The following GPC6 variants were observed in gnomAD, a reference collection of about 807,000 sequenced individuals.
The protein encoded by GPC6 is glypican-6.
A neutral mutation model predicts 55.2 loss-of-function variants in GPC6; 14 were observed. The observed-to-expected ratio is 0.25, with a 90% CI of 0.17 to 0.40. The LOEUF (loss-of-function observed/expected upper bound fraction) is 0.40, where lower values mean the gene tolerates loss of function less well. Among genes scored for constraint, GPC6 ranks in the 10% least tolerant of loss-of-function variants. The probability of loss-of-function intolerance (pLI) is 1.00; values close to 1 mark genes in which losing one functional copy is unlikely to be tolerated. For synonymous variants in GPC6, 278 were observed against 259.6 expected, an observed-to-expected ratio of 1.07 and a Z score of -0.68; for missense variants, 641 against 708.5, an observed-to-expected ratio of 0.90 and a Z score of 1.08.
upstream of GPC6, among the ~76,000 whole-genome samples, chr13:93,223,019 C>CATTTTTTTTT (rs1875661965): frequency 2.0e-5 from 2 of 100,814 alleles, no homozygotes; most frequent in Non-Finnish European, 3.8e-5. Flanking sequence ...AGGGAAAACA[C>CATTTTTTTTT]TTTTTTTTTT....
At chr13:93,383,187 A>G (rs935768170) in intron 1 of GPC6, among the ~76,000 whole-genome samples, 13 of 152,150 alleles carry the variant, frequency 8.5e-5, no homozygotes, top group African/African-American at 2.9e-4. Flanking sequence ...TAACATCATG[A>G]CGATTAACTA....
chr13:93,347,143 G>T (rs1340845384), intron 1 of GPC6, among the ~76,000 whole-genome samples: 1 of 152,126 alleles, frequency 6.6e-6, no homozygotes. Flanking sequence ...AACCAAGTAA[G>T]ACTCCACACT....
At chr13:93,455,811 A>G (rs879775838) in intron 1 of GPC6, among the ~76,000 whole-genome samples, 2 of 152,122 alleles carry the variant, frequency 1.3e-5, no homozygotes, top group Non-Finnish European at 2.9e-5. Context: ...CGAGACCCCT[A>G]GTACTCTGTG....
At chr13:94,101,239 A>G (rs1376844936) in intron 4 of GPC6, among the ~76,000 whole-genome samples, 1 of 152,218 alleles carries the variant, frequency 6.6e-6, no homozygotes, top group Non-Finnish European at 1.5e-5. Context: ...GGGAGAACCT[A>G]ATAAGCTCAG....
At chr13:93,299,152 T>G (rs1878593363) in intron 1 of GPC6, among the ~76,000 whole-genome samples, 1 of 152,154 alleles carries the variant, frequency 6.6e-6, no homozygotes, top group Non-Finnish European at 1.5e-5. Flanking sequence ...GCACTTCCCT[T>G]TTATCTCATA....
intron 2 of GPC6, among the ~76,000 whole-genome samples, chr13:93,626,917 A>C: frequency 6.6e-6 from 1 of 152,088 alleles, no homozygotes; most frequent in Non-Finnish European, 1.5e-5. Context: ...CAGGAAACTT[A>C]CAATCATGGT....
At chr13:93,742,644 C>A (rs1884248907) in intron 2 of GPC6, among the ~76,000 whole-genome samples, 1 of 152,112 alleles carries the variant, frequency 6.6e-6, no homozygotes, top group East Asian at 1.9e-4. Flanking sequence ...TCATGTCATG[C>A]CTCTGGGTGC....
intron 3 of GPC6, among the ~76,000 whole-genome samples, chr13:94,009,600 C>A (rs1437464127): frequency 6.6e-6 from 1 of 152,060 alleles, no homozygotes; most frequent in Non-Finnish European, 1.5e-5. Flanking sequence ...AAATAATTCA[C>A]CTAAGATGTG....
chr13:94,243,880 A>T (rs1329465622), intron 4 of GPC6, among the ~76,000 whole-genome samples: 3 of 152,134 alleles, frequency 2.0e-5, no homozygotes, highest in Non-Finnish European at 2.9e-5. Flanking sequence ...ATGCTGTGCC[A>T]TGTAGGCTGG....
chr13:94,163,480 A>G (rs1467038673), intron 4 of GPC6, among the ~76,000 whole-genome samples: 6 of 152,324 alleles, frequency 3.9e-5, no homozygotes, highest in African/African-American at 9.6e-5. Context: ...CCATCATCAC[A>G]TCTTTAAAAC....
chr13:94,149,831 C>T (rs595002), intron 4 of GPC6, among the ~76,000 whole-genome samples: 59,900 of 151,714 alleles, frequency 0.39, 14,395 homozygotes, highest in Non-Finnish European at 0.53. Flanking sequence ...GACCATGGCA[C>T]TTCACACACT....
chr13:93,691,715 T>C (rs1183085165), intron 2 of GPC6, among the ~76,000 whole-genome samples: 1 of 152,114 alleles, frequency 6.6e-6, no homozygotes, highest in Non-Finnish European at 1.5e-5. Flanking sequence ...GCTTAATTGT[T>C]GCTGTCCTGT....
chr13:94,387,764 C>CTCTCTCTCTCTG (rs1491569523), intron 7 of GPC6, among the ~76,000 whole-genome samples: 2 of 108,962 alleles, frequency 1.8e-5, no homozygotes, highest in African/African-American at 8.0e-5. Flanking sequence ...CTCTCTCTCT[C>CTCTCTCTCTCTG]TGCCGTGTGA....
intron 3 of GPC6, among the ~76,000 whole-genome samples, chr13:93,869,400 A>T (rs1358232092): frequency 6.6e-6 from 1 of 151,822 alleles, no homozygotes; most frequent in African/African-American, 2.4e-5. Flanking sequence ...TCCATCTGCC[A>T]CCCCATGAGG....
chr13:94,292,422 C>T (rs1284804342), intron 5 of GPC6, among the ~76,000 whole-genome samples: 1 of 152,154 alleles, frequency 6.6e-6, no homozygotes, highest in Admixed American at 6.6e-5. Flanking sequence ...AAAGCCAGGA[C>T]GACCCAAGCT....
chr13:93,990,156 A>G (rs960650385), intron 3 of GPC6, among the ~76,000 whole-genome samples: 49 of 152,026 alleles, frequency 3.2e-4, no homozygotes, highest in African/African-American at 1.2e-3. Context: ...TTTATGCTCA[A>G]ATGAATTCTA....
chr13:93,503,708 A>G (rs1013448834), intron 1 of GPC6, among the ~76,000 whole-genome samples: 16 of 152,288 alleles, frequency 1.1e-4, no homozygotes, highest in African/African-American at 3.6e-4. Context: ...AAGCCATAGT[A>G]AGAATTCTAG....
At chr13:93,657,394 C>G (rs1402215904) in intron 2 of GPC6, among the ~76,000 whole-genome samples, 1 of 152,068 alleles carries the variant, frequency 6.6e-6, no homozygotes, top group Non-Finnish European at 1.5e-5. Context: ...AACCAGCTAG[C>G]CATATGCAGA....
intron 1 of GPC6, among the ~76,000 whole-genome samples, chr13:93,406,109 G>T (rs1876282427): frequency 6.6e-6 from 1 of 152,144 alleles, no homozygotes; most frequent in Non-Finnish European, 1.5e-5. Flanking sequence ...TCAAAGGACA[G>T]CCCAAATTCA....
Sources: gnomAD v4.1 joint callset for allele counts (sites outside exome capture counted in the v4.1 genomes callset) on GRCh38, gnomAD v4.1.1 for gene constraint, MANE v1.5 for transcripts, NCBI Gene and HGNC (gene_info 2026-07-23, HGNC 2026-07-21) for gene names.